Variants in RP1L1 observed in about 807,000 individuals in gnomAD.
RP1L1 encodes RP1 like 1, also known as retinitis pigmentosa 1-like 1 protein.
In RP1L1, 27 loss-of-function variants were observed where a neutral mutation model predicts 15.7. The observed-to-expected ratio is 1.72, with a 90% CI of 1.27 to 2.38. The LOEUF is 2.38. Among genes scored for constraint, RP1L1 ranks in the 30% most tolerant of loss-of-function variants. The pLI, the probability that RP1L1 is intolerant of heterozygous loss-of-function variation, is 0.00. For synonymous variants in RP1L1, 1,813 were observed against 1,276.7 expected, an observed-to-expected ratio of 1.42 and a Z score of -8.96; for missense variants, 4,798 against 3,075.9, an observed-to-expected ratio of 1.56 and a Z score of -13.24.
intron 1 of RP1L1, among the ~76,000 whole-genome samples, chr8:10,651,569 A>G (rs1387804920): frequency 2.6e-5 from 4 of 152,078 alleles, no homozygotes; most frequent in African/African-American, 9.7e-5. Flanking sequence ...TCTACTAAAA[A>G]TACAAAAATT....
Position 10,609,797 on chromosome 8 carries a change from C to G in RP1L1, c.4301G>C (p.Arg1434Thr). Residue 1434 changes from arginine to threonine, a missense_variant, in exon 4 of 4, where the codon AGA becomes ACA. Physicochemically the swap from Arg to Thr is moderately conservative, Grantham distance 71 (BLOSUM62 -1). Coordinates refer to ENST00000382483, the MANE Select transcript of RP1L1 (RefSeq NM_178857.6). ...DDPVQEEEAGRASASAEPCPA... is the reference protein window; with the variant it reads ...DDPVQEEEAGTASASAEPCPA... The stretch of plus-strand genomic sequence containing the variant: ...GCACGGCTCTGCAGAGGCAGAGGCT[C>G]TTCCTGCTTCCTCCTCCTGGACTGG... 4 of 1,614,054 alleles carry G rather than the reference C, an allele frequency of 2.5e-6. No homozygotes were observed. Among genetic ancestry groups the G allele is most frequent in the Non-Finnish European group, 3.4e-6 (4 of 1,180,030 alleles).
intron 1 of RP1L1, among the ~76,000 whole-genome samples, chr8:10,629,199 T>A (rs1472944582): frequency 6.6e-6 from 1 of 152,086 alleles, no homozygotes; most frequent in Non-Finnish European, 1.5e-5. Context: ...GGAGGAAACA[T>A]ATAAACAGCC....
intron 1 of RP1L1, among the ~76,000 whole-genome samples, chr8:10,627,310 G>A (rs891309052): frequency 3.3e-5 from 5 of 152,170 alleles, no homozygotes; most frequent in Admixed American, 3.3e-4. Context: ...CCTTAAAAAG[G>A]TAGGAAAATC....
intron 1 of RP1L1, among the ~76,000 whole-genome samples, chr8:10,637,535 C>G (rs1025910200): frequency 6.6e-6 from 1 of 152,130 alleles, no homozygotes; most frequent in Non-Finnish European, 1.5e-5. Flanking sequence ...CACTTGAGCC[C>G]AGCAGTTCAA....
At chr8:10,614,342 G>T (rs1314450877) in intron 3 of RP1L1, among the ~76,000 whole-genome samples, 1 of 152,180 alleles carries the variant, frequency 6.6e-6, no homozygotes. Flanking sequence ...AGAAAGGGCT[G>T]CTAAGGATGC....
At position 10,622,927 on chromosome 8, in the gene RP1L1, G is replaced by A. The variant is rs886062586; in HGVS notation, c.275C>T (p.Ala92Val). The A allele has an allele frequency of 8.7e-6, 14 of 1,613,904 alleles. No individual in the cohort carries two copies. The highest frequency in any genetic ancestry group is 2.2e-5 in the East Asian group (1 of 44,890). ...TTPRGLHSLSALEQLEDGGCY... is the reference protein window; with the variant it reads ...TTPRGLHSLSVLEQLEDGGCY... ...GCCTCCATCTTCCAGCTGCTCCAGGGCGCTGAGGCTATGCAGGCCCCGGGG... is the reference window on the plus strand; with the variant it reads ...GCCTCCATCTTCCAGCTGCTCCAGGACGCTGAGGCTATGCAGGCCCCGGGG... Residue 92 changes from alanine to valine, a missense_variant, in exon 2 of 4, where the codon GCC becomes GTC. Ala to Val is a moderately conservative substitution (Grantham distance 64). Transcript: ENST00000382483.
chr8:10,632,830 A>T (rs73539572), intron 1 of RP1L1, among the ~76,000 whole-genome samples: 4,800 of 152,154 alleles, frequency 0.032, 249 homozygotes, highest in African/African-American at 0.11. Context: ...GCCTTTGAAG[A>T]CCCTTGATGG....
chr8:10,643,642 G>A (rs985949897), intron 1 of RP1L1, among the ~76,000 whole-genome samples: 1 of 152,060 alleles, frequency 6.6e-6, no homozygotes, highest in African/African-American at 2.4e-5. Flanking sequence ...AAAGAGTCTG[G>A]GAAAAGCTGG....
chr8:10,613,435 C>T (rs1051753085), intron 3 of RP1L1, 89 bp from the exon 4 acceptor site: 2 of 1,526,768 alleles, frequency 1.3e-6, no homozygotes, highest in Admixed American at 1.9e-5. Flanking sequence ...CAGTCACGAG[C>T]CTCCCACGAC....
intron 2 of RP1L1, among the ~76,000 whole-genome samples, chr8:10,619,346 T>G (rs1798022142): frequency 6.6e-6 from 1 of 152,140 alleles, no homozygotes; most frequent in Non-Finnish European, 1.5e-5. Flanking sequence ...CAAAAGGAAG[T>G]CAAAGATGCA....
In RP1L1 at chr8:10,606,648, A is replaced by C. The variant is rs1797706210; in HGVS notation, c.*247T>G. 3.4e-6 allele frequency: 2 copies of C among 583,790 alleles called. No individual in the cohort carries two copies. Among genetic ancestry groups the C allele is most frequent in the Admixed American group, 3.3e-5 (1 of 30,144 alleles). The allele number at this position is 583,790 out of a possible 1,614,324, so 36.2% of individuals were successfully genotyped here. ...ATAGGAGCCGGGCTGACCTCCGATA[A>C]CCGGGCAGATCCGCAGACACCCCCT... On this transcript the variant is annotated 3_prime_UTR_variant, in exon 4 of 4. Transcript: ENST00000382483.
chr8:10,618,140 T>C (rs1188483733), intron 2 of RP1L1, among the ~76,000 whole-genome samples: 3 of 152,218 alleles, frequency 2.0e-5, no homozygotes, highest in African/African-American at 4.8e-5. Context: ...TGGCCAGCCA[T>C]GCAACTAGGA....
intron 1 of RP1L1, among the ~76,000 whole-genome samples, chr8:10,651,205 A>C (rs1798555073): frequency 6.9e-6 from 1 of 144,966 alleles, no homozygotes; most frequent in African/African-American, 2.6e-5. Flanking sequence ...CTGCAGTCTG[A>C]GCCTGGCCTG....
Position 10,607,149 on chromosome 8 carries a change from C to G in RP1L1, c.6949G>C (p.Asp2317His). The change falls in exon 4 of 4, where the codon GAC becomes CAC. Residue 2317 changes from aspartate (D) to histidine (H), a missense_variant. Coordinates refer to ENST00000382483, the MANE Select transcript of RP1L1 (RefSeq NM_178857.6). ...GNCWQKDSEN[D>H]HVLGDTRSPD... Reference sequence around the variant, plus strand: ...CTCCTTGTGTCTCCAAGTACATGGTCATTTTCTGAGTCTTTCTGCCAGCAG... The same window carrying G: ...CTCCTTGTGTCTCCAAGTACATGGTGATTTTCTGAGTCTTTCTGCCAGCAG... 1.2e-6 allele frequency: 2 copies of G among 1,614,216 alleles called. No homozygotes were observed. The highest frequency in any genetic ancestry group is 1.7e-6 in the Non-Finnish European group (2 of 1,180,044).
intron 1 of RP1L1, among the ~76,000 whole-genome samples, chr8:10,635,989 G>A (rs866555706): frequency 1.4e-4 from 22 of 152,336 alleles, no homozygotes; most frequent in Admixed American, 2.6e-4. Flanking sequence ...AGCTGGGGTG[G>A]GGACGCGAGT....
intron 2 of RP1L1, among the ~76,000 whole-genome samples, chr8:10,618,496 A>C (rs1243583673): frequency 6.6e-6 from 1 of 152,092 alleles, no homozygotes; most frequent in African/African-American, 2.4e-5. Flanking sequence ...GACAGAGTGA[A>C]ACTCCATCTC....
chr8:10,611,021 C>A lies in RP1L1; in HGVS notation c.3077G>T (p.Gly1026Val). The change falls in exon 4 of 4, where the codon GGA becomes GTA. Residue 1026 changes from glycine to valine, a missense_variant. Gly to Val is a moderately radical substitution (Grantham distance 109). Coordinates refer to ENST00000382483, the MANE Select transcript of RP1L1 (RefSeq NM_178857.6). The stretch of plus-strand genomic sequence containing the variant: ...AGTGTCACTACTCCCCAGGAGGGCT[C>A]CCTCTGGCTCTGGGTCCTGGCCGGG... ...GDPGQDPEPE[G>V]ALLGSSDTGP... 1.2e-6 allele frequency: 2 copies of A among 1,612,754 alleles called. No homozygotes were observed. The highest frequency in any genetic ancestry group is 1.7e-5 in the Admixed American group (1 of 60,016).
intron 1 of RP1L1, among the ~76,000 whole-genome samples, chr8:10,641,446 C>A (rs1178234180): frequency 3.3e-5 from 5 of 152,208 alleles, no homozygotes; most frequent in African/African-American, 9.7e-5. Flanking sequence ...AGCAGCATAA[C>A]CTTGCCTATC....
At chr8:10,650,502 G>A (rs916031533) in intron 1 of RP1L1, among the ~76,000 whole-genome samples, 10 of 152,066 alleles carry the variant, frequency 6.6e-5, no homozygotes, top group African/African-American at 2.2e-4. Context: ...GTCACATTCG[G>A]GATGCAGAAA....
Sources: allele counts gnomAD v4.1 joint callset (sites outside exome capture counted in the v4.1 genomes callset), GRCh38; gene constraint gnomAD v4.1.1; transcripts MANE v1.5; gene names NCBI Gene and HGNC (gene_info 2026-07-23, HGNC 2026-07-21).